SSU72: variants seen among roughly 807,000 people sequenced by gnomAD.
The protein encoded by SSU72 is SSU72 homolog, RNA polymerase II CTD phosphatase, also known as RNA polymerase II subunit A C-terminal domain phosphatase SSU72.
SSU72 carries 12 observed loss-of-function variants against 22.7 expected under a neutral mutation model. That is an observed-to-expected ratio of 0.53 (90% confidence interval 0.34 to 0.86). The LOEUF (loss-of-function observed/expected upper bound fraction) is 0.86, where lower values mean the gene tolerates loss of function less well. SSU72 is among the 40% of genes least tolerant of loss of function. The probability of loss-of-function intolerance (pLI) is 0.02; values close to 1 mark genes in which losing one functional copy is unlikely to be tolerated. For missense variants in SSU72, 151 were observed against 249.8 expected, an observed-to-expected ratio of 0.60 and a Z score of 2.67; for synonymous variants, 116 against 98.3, an observed-to-expected ratio of 1.18 and a Z score of -1.06.
intron 2 of SSU72, among the ~76,000 whole-genome samples, chr1:1,555,084 G>C (rs544227977): frequency 6.6e-6 from 1 of 152,236 alleles, no homozygotes; most frequent in East Asian, 1.9e-4. Context: ...TCACCTTATT[G>C]GCCAGATTGT....
rs185368376 is a variant in SSU72 at position 1,541,869 on chromosome 1, A to G, written c.*197T>C. ...AAACTTTGTAATCAATATCCTGCTC[A>G]TAAGTAAAAGTGGAAAAGAAGAAAC... On this transcript the variant is annotated 3_prime_UTR_variant, in exon 5 of 5. Transcript: ENST00000291386. The G allele has an allele frequency of 5.2e-6, 3 of 580,378 alleles. No homozygotes were observed. The highest frequency in any genetic ancestry group is 1.9e-5 in the African/African-American group (1 of 53,340). 36.0% of individuals were successfully genotyped at this position (580,378 alleles called of 1,614,324 possible).
chr1:1,564,382 T>C (rs907705898), intron 2 of SSU72: 2 of 1,245,298 alleles, frequency 1.6e-6, no homozygotes, highest in Middle Eastern at 2.9e-4. Context: ...TCCATGTGTA[T>C]CAGGCACGCA....
chr1:1,559,325 G>A (rs917495022), intron 2 of SSU72, among the ~76,000 whole-genome samples: 1 of 152,216 alleles, frequency 6.6e-6, no homozygotes, highest in Admixed American at 6.5e-5. Flanking sequence ...AGAATGGGCA[G>A]CAGCAAACGG....
At chr1:1,561,099 T>C (rs970799045) in intron 2 of SSU72, 6 of 152,238 alleles carry the variant, frequency 3.9e-5, no homozygotes, top group Non-Finnish European at 8.8e-5. Flanking sequence ...TTTTTTATTT[T>C]TTTGAGACAG....
Position 1,554,810 on chromosome 1 carries a change from C to G in SSU72, c.225-9808G>C, listed in dbSNP as rs539049996. Among the ~76,000 whole-genome samples, 2 of 152,284 alleles carry G rather than the reference C, an allele frequency of 1.3e-5. No homozygotes were observed. Among genetic ancestry groups the G allele is most frequent in the South Asian group, 4.1e-4 (2 of 4,824 alleles). On this transcript the variant is annotated intron_variant, in intron 2 of 4. Transcript: ENST00000291386. The surrounding 1 kb of genome is among the most constrained non-coding windows in gnomAD (Gnocchi z 4.1). ...ACGAAAGCAACAGCCCTGGGCAGCC[C>G]AGCACCATCCTGGGTTCCCTGCTGC...
chr1:1,571,638 C>A (rs1173805778), intron 1 of SSU72, among the ~76,000 whole-genome samples: 1 of 152,136 alleles, frequency 6.6e-6, no homozygotes, highest in Admixed American at 6.5e-5. Context: ...GCTCTCCGCT[C>A]CTTTTCCAGA....
chr1:1,544,763 A>G, intron 3 of SSU72, 100 bp downstream of exon 3: 1 of 1,559,376 alleles, frequency 6.4e-7, no homozygotes. Context: ...GGCCCCCGCC[A>G]CTCTAGACGG....
chr1:1,572,377 G>A (rs566328269), intron 1 of SSU72, among the ~76,000 whole-genome samples: 12 of 148,608 alleles, frequency 8.1e-5, no homozygotes, highest in African/African-American at 3.0e-4. Flanking sequence ...GCAGTGAGCT[G>A]AGATAGCACC....
At chr1:1,557,419 G>GTAAA (rs756696659) in intron 2 of SSU72, among the ~76,000 whole-genome samples, 81 of 151,600 alleles carry the variant, frequency 5.3e-4, no homozygotes, top group African/African-American at 1.2e-3. Context: ...TCTCAAAAAA[G>GTAAA]TAAATAAATA....
intron 2 of SSU72, chr1:1,563,884 G>C (rs1444551217): frequency 6.6e-6 from 1 of 152,338 alleles, no homozygotes; most frequent in East Asian, 1.9e-4. Context: ...GATGGCAAGA[G>C]TGCCAATACA....
rs534923755 is a variant in SSU72 at position 1,541,900 on chromosome 1, T to G, written c.*166A>C. 1.7e-6 allele frequency: 1 copy of G among 603,742 alleles called. No homozygotes were observed. Among genetic ancestry groups the G allele is most frequent in the Non-Finnish European group, 2.9e-6 (1 of 344,036 alleles). The allele number at this position is 603,742 out of a possible 1,614,324, so 37.4% of individuals were successfully genotyped here. ...AAAAGTGGAAAAGAAGAAACTTGAT[T>G]GCTTTCATCTGGCGTTTTGGCATCT... On this transcript the variant is annotated 3_prime_UTR_variant, in exon 5 of 5. Coordinates refer to ENST00000291386, the MANE Select transcript of SSU72 (RefSeq NM_014188.3).
intron 2 of SSU72, among the ~76,000 whole-genome samples, chr1:1,551,879 A>T (rs1243468828): frequency 5.3e-5 from 8 of 152,234 alleles, no homozygotes; most frequent in Admixed American, 5.2e-4. Flanking sequence ...CTTTCCCAAC[A>T]ATGGCCCGGT....
intron 1 of SSU72, among the ~76,000 whole-genome samples, chr1:1,570,296 A>G (rs1642711905): frequency 4.6e-5 from 2 of 43,666 alleles, no homozygotes; most frequent in Admixed American, 6.6e-4. Context: ...AAAAAAAACA[A>G]AAAAAAAAGG....
intron 2 of SSU72, among the ~76,000 whole-genome samples, chr1:1,559,007 A>G (rs1297538983): frequency 6.6e-6 from 1 of 152,244 alleles, no homozygotes; most frequent in Admixed American, 6.5e-5. Context: ...AAGTGGCTTC[A>G]GTGTAAAATG....
At chr1:1,571,008 A>G (rs1213208352) in intron 1 of SSU72, among the ~76,000 whole-genome samples, 1 of 152,116 alleles carries the variant, frequency 6.6e-6, no homozygotes, top group East Asian at 1.9e-4. Flanking sequence ...GCACTTTGGG[A>G]GGCCGAGGCG....
intron 2 of SSU72, chr1:1,545,768 T>A (rs1373627722): frequency 2.0e-5 from 3 of 151,736 alleles, no homozygotes; most frequent in Admixed American, 6.6e-5. Context: ...AGAGCAAGAC[T>A]GTCTCAAAAA....
intron 1 of SSU72, among the ~76,000 whole-genome samples, chr1:1,573,429 C>CAAAAAAAAA (rs56930035): frequency 1.6e-4 from 17 of 107,528 alleles, no homozygotes; most frequent in Non-Finnish European, 2.8e-4. Context: ...GACTCTGTCT[C>CAAAAAAAAA]AAAAAAAAAA....
At position 1,570,882 on chromosome 1, in the gene SSU72, C is replaced by A. The variant is rs569145482; in HGVS notation, c.80+3596G>T. 1.8e-3 allele frequency among the ~76,000 whole-genome samples: 270 copies of A among 151,862 alleles called. 2 individuals carry two copies. Among genetic ancestry groups the A allele is most frequent in the African/African-American group, 6.2e-3 (255 of 41,424 alleles). The stretch of plus-strand genomic sequence containing the variant: ...ATCCCAGCACTTTGGGAGGCCAAGG[C>A]GGGCAGATCACGAGGTCAGGAGATC... On this transcript the variant is annotated intron_variant, in intron 1 of 4. Transcript: ENST00000291386.
chr1:1,565,047 T>A, intron 1 of SSU72, 131 bp from the exon 2 acceptor site: 1 of 1,291,876 alleles, frequency 7.7e-7, no homozygotes, highest in South Asian at 1.6e-5. Context: ...TGTCTTCAAA[T>A]TTTTAATCTA....
Sources: gnomAD v4.1 joint callset for allele counts (sites outside exome capture counted in the v4.1 genomes callset) on GRCh38, gnomAD v4.1.1 for gene constraint, Gnocchi (gnomAD v3.1) non-coding constraint, MANE v1.5 for transcripts, NCBI Gene and HGNC (gene_info 2026-07-23, HGNC 2026-07-21) for gene names.